The following RIMS1 variants were observed in gnomAD, a reference collection of about 807,000 sequenced individuals.
The protein encoded by RIMS1 is regulating synaptic membrane exocytosis protein 1.
Under a neutral mutation model 214.1 loss-of-function variants are expected in RIMS1, and 83 were observed. The ratio of observed to expected loss-of-function variants is 0.39; its 90% CI spans 0.32 to 0.47. The LOEUF (loss-of-function observed/expected upper bound fraction) is 0.47. RIMS1 is among the 20% of genes least tolerant of loss of function. The probability of loss-of-function intolerance (pLI) is 0.99; values close to 1 mark genes in which losing one functional copy is unlikely to be tolerated. For missense variants in RIMS1, 2,050 were observed against 2,161.8 expected (o/e 0.95, Z 1.03); for synonymous variants, 793 against 786.8 (o/e 1.01, Z -0.13).
intron 4 of RIMS1, among the ~76,000 whole-genome samples, chr6:72,148,092 C>A (rs1372464741): frequency 6.6e-6 from 1 of 152,154 alleles, no homozygotes; most frequent in Non-Finnish European, 1.5e-5. Context: ...CTTACCAGCT[C>A]ATTTTTAAGC....
At chr6:72,057,835 T>C (rs1235353491) in intron 2 of RIMS1, among the ~76,000 whole-genome samples, 5 of 152,110 alleles carry the variant, frequency 3.3e-5, no homozygotes, top group African/African-American at 1.2e-4. Context: ...GACAAAAATA[T>C]CCCAACAGAA....
chr6:71,947,921 C>T (rs1462898424), intron 1 of RIMS1, among the ~76,000 whole-genome samples: 1 of 152,056 alleles, frequency 6.6e-6, no homozygotes, highest in Non-Finnish European at 1.5e-5. Context: ...CTCTAAATTT[C>T]TTAGCAGACA....
At chr6:72,170,344 T>C (rs928331223) in intron 4 of RIMS1, among the ~76,000 whole-genome samples, 1 of 152,312 alleles carries the variant, frequency 6.6e-6, no homozygotes, top group East Asian at 1.9e-4. Context: ...ATGGGTTTTT[T>C]AAATTTTTTC....
intron 1 of RIMS1, among the ~76,000 whole-genome samples, chr6:71,935,704 A>G (rs530971909): frequency 6.6e-6 from 1 of 152,172 alleles, no homozygotes; most frequent in Non-Finnish European, 1.5e-5. Flanking sequence ...ATGTACAAAT[A>G]CGAGTTGTAA....
rs535705025 is a variant in RIMS1, at chr6:72,111,095, G to C, written c.471+11109G>C. Among the ~76,000 whole-genome samples, 246 of 152,108 alleles carry C rather than the reference G, an allele frequency of 1.6e-3. 2 individuals carry two copies. The highest frequency in any genetic ancestry group is 1.6e-3 in the Non-Finnish European group (109 of 68,010). ...GTCTTTAATGTTTCCTTGTATTCAA[G>C]ATAAAAGAAAAAATTGTATAAAGAC... is the stretch of plus-strand genomic sequence containing the variant. On this transcript the variant is annotated intron_variant, in intron 4 of 33. Coordinates refer to ENST00000521978, the MANE Select transcript of RIMS1 (RefSeq NM_014989.7).
intron 1 of RIMS1, among the ~76,000 whole-genome samples, chr6:71,927,188 T>C (rs1781803446): frequency 6.6e-6 from 1 of 152,190 alleles, no homozygotes; most frequent in South Asian, 2.1e-4. Flanking sequence ...GAAGAATCTT[T>C]CTCAATACCT....
chr6:72,068,897 C>G (rs550178134), intron 2 of RIMS1, among the ~76,000 whole-genome samples: 1 of 141,066 alleles, frequency 7.1e-6, no homozygotes, highest in African/African-American at 2.7e-5. Context: ...GGCGACAGAG[C>G]AAGACTCCGT....
chr6:71,943,701 C>A (rs189363364), intron 1 of RIMS1, among the ~76,000 whole-genome samples: 1 of 152,238 alleles, frequency 6.6e-6, no homozygotes, highest in East Asian at 1.9e-4. Context: ...CTTTCAAAAG[C>A]AGCAGTTAAT....
intron 2 of RIMS1, among the ~76,000 whole-genome samples, chr6:72,006,193 C>G (rs1025021770): frequency 1.3e-5 from 2 of 152,076 alleles, no homozygotes; most frequent in African/African-American, 4.8e-5. Flanking sequence ...TAATTACCTC[C>G]CAGGGGATCC....
intron 6 of RIMS1, among the ~76,000 whole-genome samples, chr6:72,202,885 A>G (rs190308636): frequency 6.1e-4 from 93 of 152,346 alleles, no homozygotes; most frequent in African/African-American, 2.1e-3. Flanking sequence ...ATAATTGCAC[A>G]TACCGCATGG....
intron 1 of RIMS1, among the ~76,000 whole-genome samples, chr6:71,942,787 T>C (rs1002188478): frequency 6.6e-6 from 1 of 152,016 alleles, no homozygotes; most frequent in Non-Finnish European, 1.5e-5. Context: ...TAAATTATAA[T>C]TTTTTCTGAA....
Position 72,180,429 on chromosome 6 carries a change from G to A in RIMS1, c.812+514G>A, listed in dbSNP as rs545121453. ...CATGGCCTGAAGGAACAAGCCCAAC[G>A]TGAGGGCCTCCTAAAGGATAGCTGC... On this transcript the variant is annotated intron_variant, in intron 5 of 33. Transcript: ENST00000521978. Among the ~76,000 whole-genome samples the A allele has an allele frequency of 1.1e-4, 16 of 152,328 alleles. No homozygotes were observed. The South Asian group carries it at 2.5e-3, about 24-fold the overall frequency.
intron 28 of RIMS1, among the ~76,000 whole-genome samples, chr6:72,324,033 TAGA>T (rs1342005971): frequency 1.5e-5 from 2 of 134,060 alleles, no homozygotes; most frequent in African/African-American, 5.9e-5. Context: ...CATGCATAGA[TAGA>T]TAGATAGATA....
intron 1 of RIMS1, among the ~76,000 whole-genome samples, chr6:71,904,148 C>T (rs1354368434): frequency 6.6e-6 from 1 of 152,134 alleles, no homozygotes; most frequent in African/African-American, 2.4e-5. Context: ...CTGATACCCA[C>T]AGTGTGATAG....
At chr6:72,313,101 A>G (rs978715888) in intron 27 of RIMS1, among the ~76,000 whole-genome samples, 8 of 152,122 alleles carry the variant, frequency 5.3e-5, no homozygotes, top group African/African-American at 1.9e-4. Flanking sequence ...GAATTTTTTG[A>G]TTAGGAATGC....
At chr6:72,313,879 C>T (rs1465637274) in intron 28 of RIMS1, among the ~76,000 whole-genome samples, 1 of 152,166 alleles carries the variant, frequency 6.6e-6, no homozygotes, top group African/African-American at 2.4e-5. Context: ...TTAGAGATCA[C>T]TCTGAGTCAC....
chr6:72,113,501 C>A (rs1463200001), intron 4 of RIMS1, among the ~76,000 whole-genome samples: 1 of 151,948 alleles, frequency 6.6e-6, no homozygotes, highest in African/African-American at 2.4e-5. Context: ...AATGAAAGGC[C>A]TTGAATAGAA....
intron 1 of RIMS1, among the ~76,000 whole-genome samples, chr6:71,957,955 T>C (rs879914674): frequency 2.6e-5 from 4 of 152,080 alleles, no homozygotes; most frequent in African/African-American, 9.7e-5. Flanking sequence ...AAATAAGAGT[T>C]GAGCTTGTGA....
chr6:72,197,744 G>T (rs1401399200), intron 6 of RIMS1, among the ~76,000 whole-genome samples: 3 of 151,942 alleles, frequency 2.0e-5, no homozygotes, highest in Admixed American at 6.6e-5. Flanking sequence ...AACAAAAGCT[G>T]AAGTAAAAGT....
Sources: gnomAD v4.1 joint callset for allele counts (sites outside exome capture counted in the v4.1 genomes callset) on GRCh38, gnomAD v4.1.1 for gene constraint, MANE v1.5 for transcripts, NCBI Gene and HGNC (gene_info 2026-07-23, HGNC 2026-07-21) for gene names.